Variants in PICALM observed in about 807,000 individuals in gnomAD.
PICALM encodes the protein phosphatidylinositol binding clathrin assembly protein, also known as phosphatidylinositol-binding clathrin assembly protein.
PICALM carries 40 observed loss-of-function variants against 80.5 expected under a neutral mutation model. The ratio of observed to expected loss-of-function variants is 0.50; its 90% CI spans 0.39 to 0.65. PICALM has a LOEUF of 0.65. Ranked by LOEUF, PICALM falls within the 30% of genes least tolerant of loss-of-function variation. The pLI is 0.00. For missense variants in PICALM, 676 were observed against 778.9 expected (o/e 0.87, Z 1.57); for synonymous variants, 288 against 260.3 (o/e 1.11, Z -1.02).
chr11:86,053,833 T>C (rs497711), intron 1 of PICALM, among the ~76,000 whole-genome samples: 1 of 152,032 alleles, frequency 6.6e-6, no homozygotes, highest in Admixed American at 6.6e-5. Context: ...CTCCCAAAGT[T>C]CTGGAATTAC....
intron 8 of PICALM, among the ~76,000 whole-genome samples, chr11:86,006,688 A>T (rs143426347): frequency 2.1e-4 from 32 of 152,296 alleles, no homozygotes; most frequent in African/African-American, 7.5e-4. Flanking sequence ...GAATAATTCA[A>T]AACAAGGTAA....
At chr11:85,997,786 GT>G (rs2095022168) in intron 11 of PICALM, among the ~76,000 whole-genome samples, 1 of 149,678 alleles carries the variant, frequency 6.7e-6, no homozygotes, top group South Asian at 2.1e-4. Context: ...TTTTGTTGTT[GT>G]TTTGCTTTTT....
In PICALM at chr11:85,986,893, G is replaced by T. The variant is rs113984305; in HGVS notation, c.1409-2920C>A. ...CTGCTTACTCTTCCATTTCACCAAG[G>T]CCCAGTGAAAACTTTCTCACTAACC... On this transcript the variant is annotated intron_variant, in intron 13 of 19. Transcript: ENST00000393346. 1.2e-3 allele frequency among the ~76,000 whole-genome samples: 179 copies of T among 152,212 alleles called. 3 individuals are homozygous for T. The highest frequency in any genetic ancestry group is 4.1e-3 in the African/African-American group (171 of 41,522).
intron 1 of PICALM, 95 bp downstream of exon 1, chr11:86,068,556 A>T: frequency 8.6e-7 from 1 of 1,167,352 alleles, no homozygotes. Flanking sequence ...GGGAGGGAAG[A>T]GGCAGTAGAA....
chr11:86,012,456 T>C (rs1222738324), intron 5 of PICALM, 64 bp from the exon 6 acceptor site: 3 of 900,310 alleles, frequency 3.3e-6, no homozygotes, highest in Non-Finnish European at 5.5e-6. Context: ...GACAAAAAGA[T>C]TTCCTTCAAA....
Position 85,981,944 on chromosome 11 carries a change from G to C in PICALM, c.1576C>G (p.Pro526Ala). ...PTVASQNQNL[P>A]VAKLPPSKLV... The stretch of plus-strand genomic sequence containing the variant: ...TTGCTAGGTGGGAGTTTGGCAACAG[G>C]AAGGTTCTGGTTCTGAGAGGCCACT... Residue 526 changes from proline to alanine, a missense_variant, in exon 15 of 20, where the codon CCT becomes GCT. Transcript: ENST00000393346. 1.2e-6 allele frequency: 2 copies of C among 1,612,862 alleles called. No individual in the cohort carries two copies. The highest frequency in any genetic ancestry group is 2.2e-5 in the East Asian group (1 of 44,878).
intron 7 of PICALM, 31 bp from the exon 8 acceptor site, chr11:86,007,614 A>C (rs771731625): frequency 9.4e-7 from 1 of 1,064,786 alleles, no homozygotes; most frequent in Non-Finnish European, 1.3e-6. Context: ...TTAATAAATT[A>C]TAATAAAAAT....
At chr11:86,067,158 G>A (rs985592090) in intron 1 of PICALM, among the ~76,000 whole-genome samples, 1 of 152,200 alleles carries the variant, frequency 6.6e-6, no homozygotes, top group Non-Finnish European at 1.5e-5. Context: ...TAACTTGGAA[G>A]AATCTACATT....
chr11:86,042,143 T>C (rs553050933), intron 1 of PICALM, among the ~76,000 whole-genome samples: 41 of 152,274 alleles, frequency 2.7e-4, no homozygotes, highest in African/African-American at 9.6e-4. Flanking sequence ...GGCTCATCTG[T>C]AAACCACATT....
chr11:85,976,673 C>A lies in PICALM; in HGVS notation c.1789G>T (p.Val597Leu). ...GGTGTAGTAGCAGGATAGGCCATTA[C>A]AGGGGGTGCCTAACATAGTGAAAGG... ...AWNAATMAPP[V>L]MAYPATTPTG... is the part of the protein sequence containing the mutation. Residue 597 changes from valine to leucine, a missense_variant, in exon 18 of 20, where the codon GTA (valine) becomes TTA (leucine). This residue lies in a region of PICALM where 391 missense variants were observed against 383.6 expected (regional missense o/e 1.02). Transcript: ENST00000393346. 6.3e-7 allele frequency: 1 copy of A among 1,591,734 alleles called. No individual in the cohort carries two copies. Among genetic ancestry groups the A allele is most frequent in the Non-Finnish European group, 8.6e-7 (1 of 1,159,910 alleles).
At chr11:85,962,533 G>C (rs2093723963) in intron 19 of PICALM, among the ~76,000 whole-genome samples, 1 of 152,162 alleles carries the variant, frequency 6.6e-6, no homozygotes, top group Non-Finnish European at 1.5e-5. Flanking sequence ...ATACGGAAGA[G>C]ACAAATCTAT....
Position 85,981,785 on chromosome 11 carries a change from G to C in PICALM, c.1649-10C>G. 1.9e-6 allele frequency: 3 copies of C among 1,612,624 alleles called. No individual in the cohort carries two copies. The highest frequency in any genetic ancestry group is 1.1e-5 in the South Asian group (1 of 91,026). On this transcript the variant is annotated splice_polypyrimidine_tract_variant and intron_variant, in intron 15 of 19. Transcript: ENST00000393346. ...TTTCCGATGCCAAGATCTAGGAAAG[G>C]AGAAAAACAAAAAAGCATTTTATAA...
At chr11:86,015,177 TAGAACTAAAAA>T (rs1343658468) in intron 4 of PICALM, among the ~76,000 whole-genome samples, 1 of 152,150 alleles carries the variant, frequency 6.6e-6, no homozygotes, top group Non-Finnish European at 1.5e-5. Flanking sequence ...GGTACTCATT[TAGAACTAAAAA>T]AGAACATAAA....
chr11:86,031,503 A>G lies in PICALM; in HGVS notation c.239T>C (p.Ile80Thr), dbSNP rs1431764950. Residue 80 changes from isoleucine (I) to threonine (T), a missense_variant, in exon 2 of 20, where the codon ATT becomes ACT. Ile to Thr is a moderately conservative substitution (Grantham distance 89, BLOSUM62 -1). This residue lies in a region of PICALM where 285 missense variants were observed against 395.4 expected (regional missense o/e 0.72). Coordinates refer to ENST00000393346, the MANE Select transcript of PICALM (RefSeq NM_007166.4). Reference sequence around the variant, plus strand: ...ATACACCATCAAATGATGAGTTGTAATGAGAGATTTGAAGACCACCACCCA... The same window carrying G: ...ATACACCATCAAATGATGAGTTGTAGTGAGAGATTTGAAGACCACCACCCA... Reference protein sequence around the residue: ...SSWVVVFKSLITTHHLMVYGN... With the variant: ...SSWVVVFKSLTTTHHLMVYGN... The G allele has an allele frequency of 1.2e-6, 2 of 1,613,010 alleles. No homozygotes were observed. The highest frequency in any genetic ancestry group is 1.7e-5 in the Admixed American group (1 of 59,990).
At chr11:86,008,619 C>G (rs2095325947) in intron 7 of PICALM, among the ~76,000 whole-genome samples, 1 of 150,418 alleles carries the variant, frequency 6.6e-6, no homozygotes, top group Admixed American at 6.6e-5. Context: ...GACTCCATCT[C>G]AGGAGAAAAA....
intron 19 of PICALM, chr11:85,974,422 G>A (rs946510687): frequency 1.4e-5 from 8 of 553,542 alleles, no homozygotes; most frequent in Admixed American, 7.6e-5. Flanking sequence ...CCAGAATCAC[G>A]AAGAGCAAGT....
intron 1 of PICALM, among the ~76,000 whole-genome samples, chr11:86,064,584 G>A (rs1481602727): frequency 6.6e-6 from 1 of 150,770 alleles, no homozygotes; most frequent in African/African-American, 2.4e-5. Flanking sequence ...GGAAGTCAAG[G>A]CTGCAGTGAG....
chr11:85,961,855 C>CTATTTATT (rs34885729), intron 19 of PICALM, among the ~76,000 whole-genome samples: 6,136 of 149,434 alleles, frequency 0.041, 162 homozygotes, highest in African/African-American at 0.057. Context: ...TTCTTTCTAC[C>CTATTTATT]TATTTATTTA....
chr11:86,040,589 A>G (rs1402724779), intron 1 of PICALM, among the ~76,000 whole-genome samples: 1 of 152,226 alleles, frequency 6.6e-6, no homozygotes, highest in African/African-American at 2.4e-5. Flanking sequence ...CTATATCCCT[A>G]ACATTTACAT....
Sources: gnomAD v4.1 joint callset for allele counts (sites outside exome capture counted in the v4.1 genomes callset) on GRCh38, gnomAD v4.1.1 for gene constraint, gnomAD v4.1.1 regional missense constraint, MANE v1.5 for transcripts, NCBI Gene and HGNC (gene_info 2026-07-23, HGNC 2026-07-21) for gene names.